Variants in LMTK2 observed in about 807,000 individuals in gnomAD.
LMTK2 encodes lemur tail kinase 2.
LMTK2 carries 37 observed loss-of-function variants against 127.5 expected under a neutral mutation model. The ratio of observed to expected loss-of-function variants is 0.29; its 90% confidence interval spans 0.22 to 0.38. The LOEUF (loss-of-function observed/expected upper bound fraction) is 0.38, where lower values mean the gene tolerates loss of function less well. Ranked by LOEUF, LMTK2 falls within the 10% of genes least tolerant of loss-of-function variation. LMTK2 has a pLI of 1.00. For missense variants in LMTK2, 1,694 were observed against 1,920.3 expected, an observed-to-expected ratio of 0.88 and a Z score of 2.20; for synonymous variants, 819 against 810.1, an observed-to-expected ratio of 1.01 and a Z score of -0.19.
Position 98,114,014 on chromosome 7 carries a change from T to A in LMTK2, c.103+6734T>A, listed in dbSNP as rs143941364. Among the ~76,000 whole-genome samples the A allele has an allele frequency of 5.3e-4, 80 of 152,024 alleles. No individual in the cohort carries two copies. In the East Asian group the frequency reaches 0.013, roughly 25 times the overall value. On this transcript the variant is annotated intron_variant, in intron 1 of 13. Coordinates refer to ENST00000297293, the MANE Select transcript of LMTK2 (RefSeq NM_014916.4). The stretch of plus-strand genomic sequence containing the variant: ...TGTATTGTGATTCAGGTGGGAAAAG[T>A]GAGCACTATTTATGCCAGATGTCTC...
At chr7:98,190,936 AC>A in intron 10 of LMTK2, 59 bp downstream of exon 10, 1 of 1,118,428 alleles carries the variant, frequency 8.9e-7, no homozygotes, top group Admixed American at 3.0e-5. Context: ...TGTCCCCAAA[AC>A]ACAAAAAAAT....
At chr7:98,178,365 G>C (rs752963038) in intron 7 of LMTK2, among the ~76,000 whole-genome samples, 1 of 152,216 alleles carries the variant, frequency 6.6e-6, no homozygotes, top group Non-Finnish European at 1.5e-5. Flanking sequence ...TGAGCAGCAA[G>C]CAGTGGTACT....
At chr7:98,128,349 C>G (rs545964890) in intron 1 of LMTK2, among the ~76,000 whole-genome samples, 5 of 152,198 alleles carry the variant, frequency 3.3e-5, no homozygotes, top group Non-Finnish European at 5.9e-5. Context: ...TAGACACACA[C>G]AGAGACACCA....
rs756337612 is a variant in LMTK2 at position 98,192,022 on chromosome 7, C to T, written c.1557C>T (p.Pro519=). The stretch of plus-strand genomic sequence containing the variant: ...AGAGTTCGCTTTCAGATCCTGGGCC[C>T]GGAAAGCAAGATGACAGCGGCCAGG... The part of the protein sequence containing the change: ...VFESSLSDPG[P]GKQDDSGQDV... The change falls in exon 11 of 14, where the codon CCC becomes CCT. Residue 519 remains proline (P), a synonymous_variant. Coordinates refer to ENST00000297293, the MANE Select transcript of LMTK2 (RefSeq NM_014916.4). 39 of 1,606,730 alleles carry T rather than the reference C, an allele frequency of 2.4e-5. 1 individual carries two copies. The highest frequency in any genetic ancestry group is 1.3e-4 in the South Asian group (12 of 90,744).
chr7:98,141,601 G>A (rs1796701401), intron 3 of LMTK2, 60 bp downstream of exon 3: 4 of 1,502,790 alleles, frequency 2.7e-6, no homozygotes, highest in Admixed American at 1.7e-5. Context: ...CTGAGAATGG[G>A]AGCCTAGCCA....
chr7:98,201,219 C>T (rs551774468), intron 11 of LMTK2, among the ~76,000 whole-genome samples: 2 of 152,216 alleles, frequency 1.3e-5, no homozygotes, highest in Admixed American at 6.5e-5. Context: ...CCACCCTCCA[C>T]GGTCTCTCAT....
intron 1 of LMTK2, among the ~76,000 whole-genome samples, chr7:98,116,800 A>G (rs1021372239): frequency 6.6e-6 from 1 of 152,230 alleles, no homozygotes; most frequent in African/African-American, 2.4e-5. Context: ...AGGAAACCAC[A>G]TTACATTTAG....
chr7:98,118,021 T>C (rs1475500660), intron 1 of LMTK2, among the ~76,000 whole-genome samples: 1 of 152,168 alleles, frequency 6.6e-6, no homozygotes, highest in Admixed American at 6.6e-5. Flanking sequence ...TGCTCATTGC[T>C]TCTGGGCATT....
chr7:98,130,133 A>G (rs1425934281), intron 1 of LMTK2, among the ~76,000 whole-genome samples: 1 of 152,130 alleles, frequency 6.6e-6, no homozygotes, highest in East Asian at 1.9e-4. Context: ...CAGAAGATCC[A>G]TCTGGAAGGA....
At chr7:98,146,007 C>G (rs926683573) in intron 3 of LMTK2, among the ~76,000 whole-genome samples, 7 of 152,140 alleles carry the variant, frequency 4.6e-5, no homozygotes, top group African/African-American at 1.7e-4. Flanking sequence ...TAAGGATCCA[C>G]CTTAATTCTT....
In LMTK2 at chr7:98,203,595, G is replaced by C. The variant is rs1372228485; in HGVS notation, c.4129G>C (p.Gly1377Arg). The change falls in exon 12 of 14, where the codon GGG becomes CGG. Residue 1377 changes from glycine (G) to arginine (R), a missense_variant. Around this residue, in one of 8 missense-constraint regions of LMTK2, gnomAD observed 554 missense variants for 567.7 expected, o/e 0.98. Transcript: ENST00000297293. ...TCAGGAGACCCCAACCAAAGAGCTG[G>C]GGCCCTGTGGAGGAGAGGCGTGCGG... is the stretch of plus-strand genomic sequence containing the variant. ...FDQETPTKEL[G>R]PCGGEACGPD... 3 of 1,598,530 alleles carry C rather than the reference G, an allele frequency of 1.9e-6. No individual in the cohort carries two copies. Among genetic ancestry groups the C allele is most frequent in the Non-Finnish European group, 2.6e-6 (3 of 1,175,830 alleles).
chr7:98,127,589 G>A (rs1260731469), intron 1 of LMTK2, among the ~76,000 whole-genome samples: 1 of 152,210 alleles, frequency 6.6e-6, no homozygotes, highest in East Asian at 1.9e-4. Flanking sequence ...TTAGAAGGCA[G>A]GATGCCCTCA....
intron 7 of LMTK2, among the ~76,000 whole-genome samples, chr7:98,181,873 G>GGTCT (rs1797361807): frequency 6.6e-6 from 1 of 152,130 alleles, no homozygotes; most frequent in Non-Finnish European, 1.5e-5. Flanking sequence ...TGGCCAGGAA[G>GGTCT]GTCTCCATCT....
At chr7:98,205,251 T>G (rs1797772017) in intron 13 of LMTK2, among the ~76,000 whole-genome samples, 1 of 152,212 alleles carries the variant, frequency 6.6e-6, no homozygotes, top group African/African-American at 2.4e-5. Context: ...ACCCTGACCC[T>G]TAGCGCCCAG....
chr7:98,140,157 CTTTT>C (rs1562902796), intron 2 of LMTK2, among the ~76,000 whole-genome samples: 39 of 57,436 alleles, frequency 6.8e-4, no homozygotes, highest in South Asian at 1.2e-3. Context: ...CTTTTCTTTT[CTTTT>C]CTTTTCTTTT....
chr7:98,174,007 G>T (rs1797236512), intron 7 of LMTK2, among the ~76,000 whole-genome samples: 1 of 150,438 alleles, frequency 6.6e-6, no homozygotes, highest in African/African-American at 2.4e-5. Flanking sequence ...AGTGAGCCGA[G>T]ATCATGCCAC....
intron 3 of LMTK2, among the ~76,000 whole-genome samples, chr7:98,145,531 G>A (rs77787457): frequency 0.041 from 6,196 of 152,240 alleles, 188 homozygotes; most frequent in Middle Eastern, 0.085. Flanking sequence ...TGAGGATGGT[G>A]TTAGGAGGAA....
intron 6 of LMTK2, among the ~76,000 whole-genome samples, chr7:98,163,797 G>C (rs561488642): frequency 1.3e-5 from 2 of 152,324 alleles, no homozygotes; most frequent in Admixed American, 1.3e-4. Context: ...GATCAGAGGG[G>C]CATAACCCAA....
At chr7:98,111,812 AAT>A (rs1796205621) in intron 1 of LMTK2, among the ~76,000 whole-genome samples, 2 of 152,240 alleles carry the variant, frequency 1.3e-5, no homozygotes, top group Admixed American at 1.3e-4. Context: ...TGTTGCTCAA[AAT>A]AACTTTTTTA....
Sources: allele counts gnomAD v4.1 joint callset (sites outside exome capture counted in the v4.1 genomes callset), GRCh38; gene constraint gnomAD v4.1.1; regional missense constraint gnomAD v4.1.1; transcripts MANE v1.5; gene names NCBI Gene and HGNC (gene_info 2026-07-23, HGNC 2026-07-21).